The following EIF2B3 variants were observed in gnomAD, a reference collection of about 807,000 sequenced individuals.
EIF2B3 encodes the protein eukaryotic translation initiation factor 2B subunit gamma, also known as translation initiation factor eIF2B subunit gamma.
In EIF2B3, 20 loss-of-function variants were observed where a neutral mutation model predicts 54.1. That is an observed-to-expected ratio of 0.37 (90% CI 0.26 to 0.54). The LOEUF is 0.54. Among genes scored for constraint, EIF2B3 ranks in the 20% least tolerant of loss-of-function variants. The pLI is 0.86. For missense variants in EIF2B3, 448 were observed against 547.8 expected (o/e 0.82, Z 1.82); for synonymous variants, 153 against 188.1 (o/e 0.81, Z 1.52).
At chr1:44,880,745 GA>G (rs1490562280) in intron 7 of EIF2B3, among the ~76,000 whole-genome samples, 1 of 152,130 alleles carries the variant, frequency 6.6e-6, no homozygotes, top group Non-Finnish European at 1.5e-5. Flanking sequence ...GGTGGATCAT[GA>G]GGTCAGGAGA....
intron 2 of EIF2B3, among the ~76,000 whole-genome samples, chr1:44,980,766 C>G (rs1644503158): frequency 6.6e-6 from 1 of 152,106 alleles, no homozygotes; most frequent in African/African-American, 2.4e-5. Flanking sequence ...TTAAGAGTCT[C>G]AATCTGCTCT....
chr1:44,966,766 C>T (rs1380880435), intron 3 of EIF2B3, among the ~76,000 whole-genome samples: 1 of 152,100 alleles, frequency 6.6e-6, no homozygotes, highest in East Asian at 1.9e-4. Flanking sequence ...AATAACATTC[C>T]TATAATGAAA....
intron 5 of EIF2B3, among the ~76,000 whole-genome samples, chr1:44,918,250 A>G (rs1643668185): frequency 1.4e-5 from 2 of 146,526 alleles, no homozygotes; most frequent in South Asian, 2.2e-4. Context: ...CGCTCAAATA[A>G]TTTTTCTAAT....
At chr1:44,895,787 G>A (rs1209293861) in intron 6 of EIF2B3, among the ~76,000 whole-genome samples, 1 of 152,094 alleles carries the variant, frequency 6.6e-6, no homozygotes, top group Non-Finnish European at 1.5e-5. Flanking sequence ...GGATACATGG[G>A]AGTTCATTAT....
At chr1:44,866,215 G>A (rs1381014436) in intron 10 of EIF2B3, among the ~76,000 whole-genome samples, 1 of 152,140 alleles carries the variant, frequency 6.6e-6, no homozygotes, top group East Asian at 1.9e-4. Flanking sequence ...TGGCCAGCAT[G>A]GAGAAACCCC....
chr1:44,920,390 A>G (rs1055631091), intron 5 of EIF2B3, among the ~76,000 whole-genome samples: 1 of 152,086 alleles, frequency 6.6e-6, no homozygotes, highest in Non-Finnish European at 1.5e-5. Context: ...AAACAATCCA[A>G]TTATACTCTC....
At chr1:44,951,548 G>A (rs1644160750) in intron 3 of EIF2B3, among the ~76,000 whole-genome samples, 2 of 152,014 alleles carry the variant, frequency 1.3e-5, no homozygotes, top group Admixed American at 6.6e-5. Flanking sequence ...GTACTCACCA[G>A]GTAAAGATGC....
At chr1:44,952,352 G>A (rs1413328241) in intron 3 of EIF2B3, among the ~76,000 whole-genome samples, 2 of 151,640 alleles carry the variant, frequency 1.3e-5, no homozygotes, top group Non-Finnish European at 2.9e-5. Flanking sequence ...CACCTGCCTC[G>A]GCCTCCCAAA....
At chr1:44,965,730 C>T (rs1484116425) in intron 3 of EIF2B3, among the ~76,000 whole-genome samples, 13 of 150,464 alleles carry the variant, frequency 8.6e-5, no homozygotes, top group Admixed American at 1.3e-4. Context: ...ACCTCTGCCT[C>T]CCGGGTTCAA....
intron 10 of EIF2B3, among the ~76,000 whole-genome samples, chr1:44,869,502 C>T (rs1184430723): frequency 1.4e-5 from 2 of 146,716 alleles, no homozygotes; most frequent in Admixed American, 6.8e-5. Flanking sequence ...TTTATATTTA[C>T]TAACTAATTT....
chr1:44,927,201 G>C (rs994533893), intron 4 of EIF2B3, among the ~76,000 whole-genome samples: 1 of 151,878 alleles, frequency 6.6e-6, no homozygotes, highest in African/African-American at 2.4e-5. Flanking sequence ...GCCATTTTGC[G>C]TTACTATAAA....
chr1:44,855,112 G>A (rs547469507), intron 11 of EIF2B3, among the ~76,000 whole-genome samples: 2 of 151,266 alleles, frequency 1.3e-5, no homozygotes, highest in East Asian at 3.9e-4. Flanking sequence ...AAAAGAAGAA[G>A]TAATAGTGGA....
chr1:44,958,378 A>G (rs1489566915), intron 3 of EIF2B3, among the ~76,000 whole-genome samples: 2 of 152,230 alleles, frequency 1.3e-5, no homozygotes, highest in Non-Finnish European at 2.9e-5. Context: ...ATTTCTAGAT[A>G]GAAGCTGGAT....
rs558012831 is a variant in EIF2B3 at position 44,891,601 on chromosome 1, T to C, written c.656+5754A>G. On this transcript the variant is annotated intron_variant, in intron 6 of 11. Coordinates refer to ENST00000360403, the MANE Select transcript of EIF2B3 (RefSeq NM_020365.5). ...TATGTGGTGGGGTAGGGGGATAGAA[T>C]GAGGGGAGTTTCTGGAATTCTGGCA... Among the ~76,000 whole-genome samples, 229 of 152,286 alleles carry C rather than the reference T, an allele frequency of 1.5e-3. 1 individual carries two copies. The highest frequency in any genetic ancestry group is 3.0e-3 in the Non-Finnish European group (204 of 68,018).
In EIF2B3 at chr1:44,925,919, C is replaced by A. The variant is rs562380299; in HGVS notation, c.566+709G>T. On this transcript the variant is annotated intron_variant, in intron 5 of 11. Transcript: ENST00000360403. ...AGCCTGGGCAACAGAGCAAGACTCC[C>A]TCTCCAAAAAAAAAGGCCACTTAGA... 1.5e-3 allele frequency among the ~76,000 whole-genome samples: 215 copies of A among 146,618 alleles called. 2 individuals are homozygous for A. Among genetic ancestry groups the A allele is most frequent in the African/African-American group, 4.9e-3 (196 of 40,016 alleles).
intron 3 of EIF2B3, among the ~76,000 whole-genome samples, chr1:44,950,792 G>A (rs1485651840): frequency 2.0e-5 from 3 of 152,060 alleles, no homozygotes; most frequent in Admixed American, 1.3e-4. Context: ...GGGTTCAAGC[G>A]ATTCTTGTGC....
Position 44,941,716 on chromosome 1 carries a change from A to C in EIF2B3, c.295-51T>G, listed in dbSNP as rs756589415. The C allele has an allele frequency of 3.1e-6, 5 of 1,604,758 alleles. No individual in the cohort carries two copies. The East Asian group carries it at 1.1e-4, about 36-fold the overall frequency. On this transcript the variant is annotated intron_variant, in intron 3 of 11. Coordinates refer to ENST00000360403, the MANE Select transcript of EIF2B3 (RefSeq NM_020365.5). ...AATATCATAAAGGACAATGGATTAC[A>C]CAAATCATCACAAGACAAAATTAGG...
At chr1:44,939,364 C>T (rs1643995530) in intron 4 of EIF2B3, among the ~76,000 whole-genome samples, 1 of 152,118 alleles carries the variant, frequency 6.6e-6, no homozygotes, top group African/African-American at 2.4e-5. Context: ...GCTTAAAGGA[C>T]TTCCATTGGC....
chr1:44,913,168 A>G (rs1452099008), intron 5 of EIF2B3, among the ~76,000 whole-genome samples: 1 of 151,308 alleles, frequency 6.6e-6, no homozygotes, highest in Non-Finnish European at 1.5e-5. Context: ...CACCAACCTA[A>G]TAGCTACAAA....
Sources: allele counts gnomAD v4.1 joint callset (sites outside exome capture counted in the v4.1 genomes callset), GRCh38; gene constraint gnomAD v4.1.1; transcripts MANE v1.5; gene names NCBI Gene and HGNC (gene_info 2026-07-23, HGNC 2026-07-21).